The following DYNC1H1 variants were observed in gnomAD, a reference collection of about 807,000 sequenced individuals.
The protein encoded by DYNC1H1 is dynein cytoplasmic 1 heavy chain 1, also known as cytoplasmic dynein 1 heavy chain 1.
DYNC1H1 carries 51 observed loss-of-function variants against 527.1 expected under a neutral mutation model. The ratio of observed to expected loss-of-function variants is 0.10; its 90% CI spans 0.08 to 0.12. The LOEUF is 0.12. DYNC1H1 is among the 10% of genes least tolerant of loss of function. The pLI is 1.00. For synonymous variants in DYNC1H1, 2,189 were observed against 2,278.8 expected, an observed-to-expected ratio of 0.96 and a Z score of 1.12; for missense variants, 2,771 against 5,971.8, an observed-to-expected ratio of 0.46 and a Z score of 17.66.
chr14:102,042,728 C>T lies in DYNC1H1; in HGVS notation c.12493C>T (p.Pro4165Ser), dbSNP rs1174819123. 1 of 1,614,080 alleles carries T rather than the reference C, an allele frequency of 6.2e-7. No individual in the cohort carries two copies. Among genetic ancestry groups the T allele is most frequent in the East Asian group, 2.2e-5 (1 of 44,902 alleles). ...ANMLRTFSSI[P>S]VSRICKSPNE... ...CATGCTGAGGACGTTCAGCAGCATTCCCGTCTCACGGATATGCAAGGTAAG... is the reference window on the plus strand; with the variant it reads ...CATGCTGAGGACGTTCAGCAGCATTTCCGTCTCACGGATATGCAAGGTAAG... The change falls in exon 69 of 78, where the codon CCC becomes TCC. Residue 4165 changes from proline (P) to serine (S), a missense_variant. Transcript: ENST00000360184. The surrounding 1 kb of genome is among the most constrained non-coding windows in gnomAD (Gnocchi z 5.7).
chr14:101,966,729 A>G (rs947745237), intron 1 of DYNC1H1, among the ~76,000 whole-genome samples: 3 of 151,962 alleles, frequency 2.0e-5, no homozygotes, highest in African/African-American at 7.3e-5. Flanking sequence ...CACTCTTTTT[A>G]TGAAAAAAAA....
Position 102,032,315 on chromosome 14 carries a change from C to T in DYNC1H1, c.9927C>T (p.Ser3309=). Residue 3309 remains serine (S), a synonymous_variant, in exon 52 of 78, where the codon TCC becomes TCT. Transcript: ENST00000360184. ...IKKQHLVEVR[S]MANPPAAVKL... The stretch of plus-strand genomic sequence containing the variant: ...AGCAGCACCTGGTGGAGGTGAGGTC[C>T]ATGGCCAACCCTCCTGCTGCTGTGA... 2 of 1,614,164 alleles carry T rather than the reference C, an allele frequency of 1.2e-6. No individual in the cohort carries two copies. The highest frequency in any genetic ancestry group is 1.7e-6 in the Non-Finnish European group (2 of 1,180,042).
intron 2 of DYNC1H1, among the ~76,000 whole-genome samples, chr14:101,978,365 GTT>G (rs751075100): frequency 3.2e-4 from 48 of 152,244 alleles, no homozygotes; most frequent in Middle Eastern, 3.4e-3. Context: ...TAGAGATGTG[GTT>G]TCGCCATGTT....
chr14:101,974,108 A>G (rs139537814), intron 1 of DYNC1H1, among the ~76,000 whole-genome samples: 1 of 151,750 alleles, frequency 6.6e-6, no homozygotes, highest in Admixed American at 6.6e-5. Flanking sequence ...TTATTTATTT[A>G]TTTTTTTTGA....
In DYNC1H1 at chr14:101,980,745, C is replaced by G. The variant is rs1444228792; in HGVS notation, c.961+195C>G. On this transcript the variant is annotated intron_variant, in intron 5 of 77. Transcript: ENST00000360184. ...TTATTCTCCTACACACTTAGCTTTC[C>G]CCTTTCCCTTCAGGGGATTTAAGAA... is the stretch of plus-strand genomic sequence containing the variant. 2.0e-5 allele frequency among the ~76,000 whole-genome samples: 3 copies of G among 152,232 alleles called. No homozygotes were observed. In the East Asian group the frequency reaches 5.8e-4, roughly 29 times the overall value.
chr14:101,969,842 T>C (rs1382948326), intron 1 of DYNC1H1, among the ~76,000 whole-genome samples: 1 of 152,172 alleles, frequency 6.6e-6, no homozygotes, highest in African/African-American at 2.4e-5. Context: ...TAAACATGGA[T>C]GAAAATTGCG....
In DYNC1H1 at chr14:102,004,833, G is replaced by C. The variant is rs774112675; in HGVS notation, c.5121G>C (p.Lys1707Asn). The C allele has an allele frequency of 7.4e-6, 12 of 1,614,086 alleles. No homozygotes were observed. The highest frequency in any genetic ancestry group is 9.3e-6 in the Non-Finnish European group (11 of 1,180,048). Residue 1707 changes from lysine (K) to asparagine (N), a missense_variant, in exon 25 of 78, where the codon AAG becomes AAC. Transcript: ENST00000360184. ...ATGAGTGGCTCACATTGGTAGAAAA[G>C]GAGATGAGAGTCACCCTGGCCAAAC... The part of the protein sequence containing the change: ...KINEWLTLVE[K>N]EMRVTLAKLL...
chr14:101,985,944 C>T lies in DYNC1H1; in HGVS notation c.1719C>T (p.Gly573=). 6.2e-7 allele frequency: 1 copy of T among 1,614,202 alleles called. No homozygotes were observed. The highest frequency in any genetic ancestry group is 8.5e-7 in the Non-Finnish European group (1 of 1,180,042). The part of the protein sequence containing the change: ...RITARLRDQL[G]TAKNANEMFR... ...CCGCTCGCCTTCGGGATCAGCTTGGCACAGCCAAGAATGCCAACGAGATGT... is the reference window on the plus strand; with the variant it reads ...CCGCTCGCCTTCGGGATCAGCTTGGTACAGCCAAGAATGCCAACGAGATGT... Residue 573 remains glycine, a synonymous_variant, in exon 8 of 78, where the codon GGC becomes GGT. Coordinates refer to ENST00000360184, the MANE Select transcript of DYNC1H1 (RefSeq NM_001376.5). The surrounding 1 kb of genome is among the most constrained non-coding windows in gnomAD (Gnocchi z 5.9).
At position 102,049,895 on chromosome 14, in the gene DYNC1H1, T is replaced by C. The variant is rs759823487; in HGVS notation, c.13684+13T>C. ...TTCGGAGTCACGGGTGAGTGGAGTC[T>C]CACAGAAAATACTGGCTCTTTGCAG... is the stretch of plus-strand genomic sequence containing the variant. On this transcript the variant is annotated intron_variant, in intron 76 of 77. Transcript: ENST00000360184. The surrounding 1 kb of genome is among the most constrained non-coding windows in gnomAD (Gnocchi z 5.5). 1 of 1,595,566 alleles carries C rather than the reference T, an allele frequency of 6.3e-7. No individual in the cohort carries two copies. The highest frequency in any genetic ancestry group is 1.1e-5 in the South Asian group (1 of 90,820).
intron 5 of DYNC1H1, among the ~76,000 whole-genome samples, chr14:101,982,202 A>G (rs778524669): frequency 2.6e-5 from 4 of 152,210 alleles, no homozygotes; most frequent in Non-Finnish European, 2.9e-5. Flanking sequence ...TCTGTCCACC[A>G]TCTCCCATTA....
In DYNC1H1 at chr14:102,004,502, GTTATT is replaced by G; in HGVS notation, c.4884-12_4884-8del. ...TATATAATATTTTTGCAACTTGAGT[GTTATT>G]TTAATTTTAGGTTCTATTTTGTGGG... On this transcript the variant is annotated splice_polypyrimidine_tract_variant and intron_variant, in intron 23 of 77. Transcript: ENST00000360184. 1.2e-6 allele frequency: 2 copies of G among 1,605,508 alleles called. No individual in the cohort carries two copies. Among genetic ancestry groups the G allele is most frequent in the Non-Finnish European group, 1.7e-6 (2 of 1,174,720 alleles).
chr14:102,037,113 A>C (rs2048585446), intron 57 of DYNC1H1: 1 of 210,290 alleles, frequency 4.8e-6, no homozygotes, highest in Admixed American at 5.4e-5. Flanking sequence ...AAAAAAAATT[A>C]TATTCAGTAC....
At chr14:102,014,962 C>T (rs1053055939) in intron 34 of DYNC1H1, 143 bp from the exon 35 acceptor site, 43 of 909,556 alleles carry the variant, frequency 4.7e-5, no homozygotes, top group Non-Finnish European at 6.5e-5. Context: ...ATTACAGGCA[C>T]ACGCCACCAT....
rs2048828476 is a variant in DYNC1H1 at position 102,052,735 on chromosome 14, G to A, written c.*2172G>A. On this transcript the variant is annotated 3_prime_UTR_variant, in exon 78 of 78. Coordinates refer to ENST00000360184, the MANE Select transcript of DYNC1H1 (RefSeq NM_001376.5). ...GTGAGGAAGGGCTCGGCGGCCCTGG[G>A]GGTCTGGTCCTCCTCCGCCATCCTC... The A allele has an allele frequency of 6.6e-6, 1 of 152,304 alleles. No homozygotes were observed. The highest frequency in any genetic ancestry group is 1.5e-5 in the Non-Finnish European group (1 of 68,120). The allele number at this position is 152,304 out of a possible 1,614,324, so 9.4% of individuals were successfully genotyped here.
In DYNC1H1 at chr14:102,050,213, C is replaced by T. The variant is rs2048788739; in HGVS notation, c.13812+15C>T. ...AGGCCAGTGTGGTAAGGAGGCACTG[C>T]CTTTCCCAGGCATTCTGCAGGGACC... On this transcript the variant is annotated intron_variant, in intron 77 of 77. Coordinates refer to ENST00000360184, the MANE Select transcript of DYNC1H1 (RefSeq NM_001376.5). The T allele has an allele frequency of 3.1e-6, 5 of 1,613,978 alleles. No individual in the cohort carries two copies. The East Asian group carries it at 1.1e-4, about 36-fold the overall frequency.
At chr14:102,048,141 A>T in intron 73 of DYNC1H1, 113 bp downstream of exon 73, 1 of 1,351,612 alleles carries the variant, frequency 7.4e-7, no homozygotes, top group Non-Finnish European at 1.0e-6. Context: ...GAACGTACTC[A>T]CACCGGTGTC....
chr14:102,043,536 C>T (rs990734900), intron 69 of DYNC1H1: 21 of 372,844 alleles, frequency 5.6e-5, no homozygotes, highest in African/African-American at 1.5e-4. Flanking sequence ...AAGTGAAGAC[C>T]GAAACTCTTG....
chr14:102,025,151 CGTG>C (rs2048434057), intron 43 of DYNC1H1, among the ~76,000 whole-genome samples: 1 of 151,866 alleles, frequency 6.6e-6, no homozygotes, highest in South Asian at 2.1e-4. Context: ...GCCTGCCCAA[CGTG>C]GTGAAACCCC....
intron 57 of DYNC1H1, chr14:102,037,566 C>T (rs541784182): frequency 6.6e-6 from 1 of 152,156 alleles, no homozygotes; most frequent in Non-Finnish European, 1.5e-5. Flanking sequence ...ACCAGATGTT[C>T]TCACTTAGAA....
Sources: allele counts gnomAD v4.1 joint callset (sites outside exome capture counted in the v4.1 genomes callset), GRCh38; gene constraint gnomAD v4.1.1; non-coding constraint Gnocchi (gnomAD v3.1); transcripts MANE v1.5; gene names NCBI Gene and HGNC (gene_info 2026-07-23, HGNC 2026-07-21).